The following KIFC3 variants were observed in gnomAD, a reference collection of about 807,000 sequenced individuals.
KIFC3 encodes the protein kinesin family member C3.
Under a neutral mutation model 101.8 loss-of-function variants are expected in KIFC3, and 60 were observed. The observed-to-expected ratio is 0.59, with a 90% confidence interval of 0.48 to 0.73. KIFC3 has a LOEUF of 0.73. Ranked by LOEUF, KIFC3 falls within the 30% of genes least tolerant of loss-of-function variation. The probability of loss-of-function intolerance (pLI) is 0.00; values close to 1 mark genes in which losing one functional copy is unlikely to be tolerated. For synonymous variants in KIFC3, 476 were observed against 482.7 expected (o/e 0.99, Z 0.18); for missense variants, 966 against 1,137.1 (o/e 0.85, Z 2.16).
At chr16:57,779,262 G>T (rs1396148357) in intron 3 of KIFC3, 5 of 152,188 alleles carry the variant, frequency 3.3e-5, no homozygotes, top group African/African-American at 1.2e-4. Flanking sequence ...TAAAAAGGAA[G>T]AAAATTCTGA....
chr16:57,794,682 T>A (rs9934670), intron 3 of KIFC3, among the ~76,000 whole-genome samples: 22,323 of 152,116 alleles, frequency 0.15, 2,622 homozygotes, highest in African/African-American at 0.32. Flanking sequence ...TTCAGAATAA[T>A]CAACCACCCC....
chr16:57,795,032 G>C lies in KIFC3; in HGVS notation c.282C>G (p.Pro94=). 5.0e-6 allele frequency: 8 copies of C among 1,596,762 alleles called. No individual in the cohort carries two copies. The highest frequency in any genetic ancestry group is 6.8e-6 in the Non-Finnish European group (8 of 1,173,972). Residue 94 remains proline, a synonymous_variant, in exon 3 of 20, where the codon CCC becomes CCG. Coordinates refer to ENST00000445690, the MANE Select transcript of KIFC3 (RefSeq NM_001130100.2). ...CRALSVDWAG[P]GSPHGLYLTL... is the part of the protein sequence containing the mutation. The stretch of plus-strand genomic sequence containing the variant: ...TCAGGTAGAGCCCGTGGGGGCTTCC[G>C]GGGCCAGCCCAGTCCACGCTAAGGG...
intron 3 of KIFC3, chr16:57,776,263 C>G (rs2052065394): frequency 1.0e-6 from 1 of 985,496 alleles, no homozygotes; most frequent in Non-Finnish European, 1.2e-6. Context: ...AGCCCAGAGG[C>G]CAGCGGGGCG....
chr16:57,779,226 C>T (rs1270644426), intron 3 of KIFC3: 1 of 152,134 alleles, frequency 6.6e-6, no homozygotes, highest in Non-Finnish European at 1.5e-5. Context: ...CGTGGTATAT[C>T]CATACAATGC....
chr16:57,759,095 G>A, intron 19 of KIFC3, 30 bp downstream of exon 19: 1 of 1,549,816 alleles, frequency 6.5e-7, no homozygotes, highest in Non-Finnish European at 8.7e-7. Flanking sequence ...AGGCAGGCGG[G>A]CAGCCCTGGG....
intron 10 of KIFC3, 144 bp from the exon 11 acceptor site, chr16:57,765,784 A>G (rs1235820845): frequency 3.0e-6 from 2 of 674,142 alleles, no homozygotes; most frequent in Non-Finnish European, 5.0e-6. Context: ...GGGGCCCACA[A>G]AGCTGTTATC....
chr16:57,803,376 C>T (rs1424247741), upstream of KIFC3: 10 of 591,658 alleles, frequency 1.7e-5, no homozygotes, highest in Non-Finnish European at 3.2e-5. Context: ...TATTCTCCCT[C>T]ACTCTCCACA....
rs2054185501 is a variant in KIFC3, at chr16:57,795,118, A to T, written c.196T>A (p.Cys66Ser). Residue 66 changes from cysteine to serine, a missense_variant, in exon 3 of 20, where the codon TGC (cysteine) becomes AGC (serine). Physicochemically the swap from Cys to Ser is moderately radical, Grantham distance 112. Coordinates refer to ENST00000445690, the MANE Select transcript of KIFC3 (RefSeq NM_001130100.2). ...CGGGCACTGGAGTCCTCGTCACCGC[A>T]GACTGGGGTATCTTTTCCACGCCCT... The part of the protein sequence containing the change: ...RTGRGKDTPV[C>S]GDEDSSARSA... 6.2e-7 allele frequency: 1 copy of T among 1,611,534 alleles called. No individual in the cohort carries two copies. Among genetic ancestry groups the T allele is most frequent in the Non-Finnish European group, 8.5e-7 (1 of 1,179,028 alleles).
At position 57,764,183 on chromosome 16, in the gene KIFC3, G is replaced by A; in HGVS notation, c.1577C>T (p.Ala526Val). The A allele has an allele frequency of 3.1e-6, 5 of 1,587,906 alleles. No homozygotes were observed. Among genetic ancestry groups the A allele is most frequent in the South Asian group, 1.1e-5 (1 of 90,790 alleles). Residue 526 changes from alanine (A) to valine (V), a missense_variant, in exon 12 of 20, where the codon GCG becomes GTG. Around this residue, in one of 2 missense-constraint regions of KIFC3, gnomAD observed 689 missense variants for 884.6 expected, o/e 0.78. Coordinates refer to ENST00000445690, the MANE Select transcript of KIFC3 (RefSeq NM_001130100.2). ...CIDGFNVCIF[A>V]YGQTGAGKTY... Reference sequence around the variant, plus strand: ...CTTGCCGGCGCCCGTCTGGCCGTACGCAAAGATGCAGACATTGAAGCCATC... The same window carrying A: ...CTTGCCGGCGCCCGTCTGGCCGTACACAAAGATGCAGACATTGAAGCCATC...
intron 1 of KIFC3, among the ~76,000 whole-genome samples, chr16:57,822,859 C>T (rs1555630113): frequency 6.6e-6 from 1 of 152,154 alleles, no homozygotes; most frequent in Non-Finnish European, 1.5e-5. Flanking sequence ...AATCCCAATA[C>T]AGTCTGTAGA....
At chr16:57,797,933 TGGCTCTG>T in intron 2 of KIFC3, 132 bp downstream of exon 2, 1 of 1,521,320 alleles carries the variant, frequency 6.6e-7, no homozygotes, top group Middle Eastern at 2.2e-4. Context: ...CACGCCCGCC[TGGCTCTG>T]GGCTGTCGGT....
Position 57,778,966 on chromosome 16 carries a change from G to A in KIFC3, c.316-6678C>T, listed in dbSNP as rs1359892976. 2.6e-5 allele frequency among the ~76,000 whole-genome samples: 4 copies of A among 152,210 alleles called. No individual in the cohort carries two copies. The East Asian group carries it at 5.8e-4, about 22-fold the overall frequency. On this transcript the variant is annotated intron_variant, in intron 3 of 19. Coordinates refer to ENST00000445690, the MANE Select transcript of KIFC3 (RefSeq NM_001130100.2). ...TAAGGATATGGAGAAACTGGAACCC[G>A]TGTGCACTGTTAGTGGGAATGTAAA...
At chr16:57,796,320 C>T (rs975562905) in intron 2 of KIFC3, among the ~76,000 whole-genome samples, 9 of 152,204 alleles carry the variant, frequency 5.9e-5, no homozygotes, top group Admixed American at 1.3e-4. Context: ...ACAGAAAGGG[C>T]CCACAGTACA....
chr16:57,793,918 A>G (rs2054092063), intron 3 of KIFC3, among the ~76,000 whole-genome samples: 1 of 152,226 alleles, frequency 6.6e-6, no homozygotes, highest in Admixed American at 6.5e-5. Context: ...GGATTTCTCA[A>G]AGATAGAGGA....
In KIFC3 at chr16:57,770,644, C is replaced by T. The variant is rs1555607243; in HGVS notation, c.822G>A (p.Glu274=). 1 of 1,557,880 alleles carries T rather than the reference C, an allele frequency of 6.4e-7. No homozygotes were observed. Among genetic ancestry groups the T allele is most frequent in the East Asian group, 2.4e-5 (1 of 42,080 alleles). The change falls in exon 7 of 20, where the codon GAG becomes GAA. Residue 274 remains glutamate (E), a synonymous_variant. Transcript: ENST00000445690. ...GCAGGTGCTGGTTCCGGGCCTGGGACTCGCTGAGGGCCTGCTTGGTCTTGG... is the reference window on the plus strand; with the variant it reads ...GCAGGTGCTGGTTCCGGGCCTGGGATTCGCTGAGGGCCTGCTTGGTCTTGG... ...ESSKTKQALS[E]SQARNQHLQE... is the part of the protein sequence containing the mutation.
At chr16:57,765,848 C>T in intron 10 of KIFC3, 1 of 511,634 alleles carries the variant, frequency 2.0e-6, no homozygotes, top group Non-Finnish European at 3.4e-6. Flanking sequence ...TTGAACAGAC[C>T]AGTTGACTGG....
chr16:57,783,061 G>A (rs1185454416), intron 3 of KIFC3, among the ~76,000 whole-genome samples: 2 of 152,252 alleles, frequency 1.3e-5, no homozygotes, highest in South Asian at 2.1e-4. Context: ...TCTCCTAAGA[G>A]AGGCTAGAGA....
chr16:57,859,165 A>G (rs1312939739), intron 1 of KIFC3, among the ~76,000 whole-genome samples: 1 of 152,178 alleles, frequency 6.6e-6, no homozygotes, highest in Non-Finnish European at 1.5e-5. Context: ...AAAGTATTTG[A>G]ACAGTTTCTA....
intron 1 of KIFC3, among the ~76,000 whole-genome samples, chr16:57,858,592 T>G (rs1383078961): frequency 1.3e-5 from 2 of 152,126 alleles, no homozygotes; most frequent in Admixed American, 6.6e-5. Context: ...ACTTTCTATA[T>G]CTCACCAATT....
Sources: gnomAD v4.1 joint callset for allele counts (sites outside exome capture counted in the v4.1 genomes callset) on GRCh38, gnomAD v4.1.1 for gene constraint, gnomAD v4.1.1 regional missense constraint, MANE v1.5 for transcripts, NCBI Gene and HGNC (gene_info 2026-07-23, HGNC 2026-07-21) for gene names.